The following CFAP91 variants were observed in gnomAD, a reference collection of about 807,000 sequenced individuals.
CFAP91 encodes cilia and flagella associated protein 91, also known as cilia- and flagella-associated protein 91.
In CFAP91, 85 loss-of-function variants were observed where a neutral mutation model predicts 95.9. The ratio of observed to expected loss-of-function variants is 0.89; its 90% CI spans 0.74 to 1.06. CFAP91 has a LOEUF of 1.06. Among genes scored for constraint, CFAP91 ranks in the 50% least tolerant of loss-of-function variants. The pLI is 0.00. For missense variants in CFAP91, 962 were observed against 943.4 expected (o/e 1.02, Z -0.26); for synonymous variants, 335 against 327.5 (o/e 1.02, Z -0.25).
chr3:119,738,330 G>GTTTTTTTTTT (rs1559761130), intron 11 of CFAP91, among the ~76,000 whole-genome samples: 14 of 23,704 alleles, frequency 5.9e-4, no homozygotes, highest in Non-Finnish European at 1.3e-3. Context: ...TTGACATATT[G>GTTTTTTTTTT]TCTTTTTTTT....
intron 11 of CFAP91, 41 bp downstream of exon 11, chr3:119,737,523 T>C (rs1333109279): frequency 5.9e-6 from 7 of 1,180,280 alleles, no homozygotes; most frequent in Non-Finnish European, 8.8e-6. Flanking sequence ...AAATTCAATA[T>C]CATTGTCAGC....
chr3:119,760,495 TAGAG>T (rs1205648403), intron 17 of CFAP91, among the ~76,000 whole-genome samples: 3 of 151,578 alleles, frequency 2.0e-5, no homozygotes, highest in Admixed American at 1.3e-4. Context: ...AAAAAATCAA[TAGAG>T]AAACATCAGA....
intron 5 of CFAP91, among the ~76,000 whole-genome samples, chr3:119,715,002 T>C (rs190820544): frequency 6.6e-6 from 1 of 152,314 alleles, no homozygotes; most frequent in East Asian, 1.9e-4. Flanking sequence ...AAGCTAACTT[T>C]CCCACATGTT....
chr3:119,750,893 G>A (rs540986277), intron 16 of CFAP91, 44 bp from the exon 17 acceptor site: 10 of 1,609,792 alleles, frequency 6.2e-6, no homozygotes, highest in South Asian at 1.1e-5. Flanking sequence ...GAATGGTTTT[G>A]TTCAGACTTT....
rs1424814767 is a variant in CFAP91 at position 119,753,820 on chromosome 3, T to TAGTGGGACAG, written c.*1+2722_*1+2723insAGTGGGACAG. Among the ~76,000 whole-genome samples, 30 of 152,350 alleles carry TAGTGGGACAG rather than the reference T, an allele frequency of 2.0e-4. No individual in the cohort carries two copies. The East Asian group carries it at 2.3e-3, about 12-fold the overall frequency. The stretch of plus-strand genomic sequence containing the variant: ...TTTATCCCTCATCCCCTTCCCACTC[T>TAGTGGGACAG]TCCCCCCAAGTCCGCACAGTCCATT... On this transcript the variant is annotated intron_variant, in intron 17 of 17. Coordinates refer to ENST00000273390, the MANE Select transcript of CFAP91 (RefSeq NM_033364.4).
chr3:119,744,164 C>T lies in CFAP91; in HGVS notation c.1870C>T (p.Arg624Cys), dbSNP rs200730852. 6.2e-5 allele frequency: 100 copies of T among 1,613,070 alleles called. No homozygotes were observed. Among genetic ancestry groups the T allele is most frequent in the Non-Finnish European group, 7.8e-5 (92 of 1,179,494 alleles). ...ESGRRQVEKQ[R>C]LREEDEIFKE... The stretch of plus-strand genomic sequence containing the variant: ...TGGTCGGCGCCAGGTGGAAAAACAG[C>T]GCCTGCGGGAGGAGGACGAGATATT... Residue 624 changes from arginine to cysteine, a missense_variant, in exon 14 of 18, where the codon CGC (arginine) becomes TGC (cysteine). Arg to Cys is a radical substitution (Grantham distance 180, BLOSUM62 -3). Coordinates refer to ENST00000273390, the MANE Select transcript of CFAP91 (RefSeq NM_033364.4).
At chr3:119,761,783 A>G (rs2054542355) in intron 17 of CFAP91, among the ~76,000 whole-genome samples, 1 of 151,956 alleles carries the variant, frequency 6.6e-6, no homozygotes, top group African/African-American at 2.4e-5. Flanking sequence ...GACAAATTCA[A>G]TATTCTTTCA....
Position 119,744,171 on chromosome 3 carries a change from G to C in CFAP91, c.1877G>C (p.Arg626Pro), listed in dbSNP as rs763731259. Residue 626 changes from arginine (R) to proline (P), a missense_variant, in exon 14 of 18, where the codon CGG becomes CCG. By Grantham distance (103) the Arg-to-Pro change is moderately radical. Coordinates refer to ENST00000273390, the MANE Select transcript of CFAP91 (RefSeq NM_033364.4). ...CGCCAGGTGGAAAAACAGCGCCTGC[G>C]GGAGGAGGACGAGATATTTAAGGAG... ...GRRQVEKQRL[R>P]EEDEIFKEVV... The C allele has an allele frequency of 6.2e-7, 1 of 1,613,242 alleles. No homozygotes were observed. Among genetic ancestry groups the C allele is most frequent in the Non-Finnish European group, 8.5e-7 (1 of 1,179,552 alleles).
intron 1 of CFAP91, 92 bp downstream of exon 1, chr3:119,703,314 C>T (rs1333083049): frequency 1.3e-6 from 2 of 1,547,738 alleles, no homozygotes; most frequent in Non-Finnish European, 8.7e-7. Context: ...GCATGGCGAA[C>T]GAAACACGAC....
chr3:119,725,480 CA>C (rs2053764900), intron 6 of CFAP91, among the ~76,000 whole-genome samples: 1 of 152,102 alleles, frequency 6.6e-6, no homozygotes, highest in Admixed American at 6.5e-5. Flanking sequence ...AGTATGTGGC[CA>C]AGTGGCTCAC....
rs779599222 is a variant in CFAP91, at chr3:119,751,051, C to T, written c.2258C>T (p.Ala753Val). ...GGAGAGCAAGATGAGGCCTCAAATG[C>T]TGCCATGTTACTTGAGAAAGAAACT... is the stretch of plus-strand genomic sequence containing the variant. ...TEGEQDEASN[A>V]AMLLEKETQN... Residue 753 changes from alanine to valine, a missense_variant, in exon 17 of 18, where the codon GCT (alanine) becomes GTT (valine). Coordinates refer to ENST00000273390, the MANE Select transcript of CFAP91 (RefSeq NM_033364.4). 8.1e-6 allele frequency: 13 copies of T among 1,612,768 alleles called. No individual in the cohort carries two copies. The highest frequency in any genetic ancestry group is 2.7e-5 in the African/African-American group (2 of 74,808).
intron 7 of CFAP91, among the ~76,000 whole-genome samples, chr3:119,728,664 C>T (rs1250696750): frequency 6.6e-6 from 1 of 152,184 alleles, no homozygotes; most frequent in Non-Finnish European, 1.5e-5. Context: ...AGTGCATTCA[C>T]TCTGAGAAAC....
intron 17 of CFAP91, among the ~76,000 whole-genome samples, chr3:119,757,871 C>G (rs1314796732): frequency 1.3e-5 from 2 of 152,054 alleles, no homozygotes; most frequent in Non-Finnish European, 2.9e-5. Flanking sequence ...CAAATTTTCC[C>G]ATATAATGTT....
In CFAP91 at chr3:119,747,133, A is replaced by G. The variant is rs750440567; in HGVS notation, c.1921A>G (p.Ser641Gly). 10 of 1,605,942 alleles carry G rather than the reference A, an allele frequency of 6.2e-6. No homozygotes were observed. The highest frequency in any genetic ancestry group is 8.5e-6 in the Non-Finnish European group (10 of 1,176,756). Reference sequence around the variant, plus strand: ...TTTGCAGGTGGTTAAAGTTCACCATAGTACTATAAGCTCCTACCTAGAAGA... The same window carrying G: ...TTTGCAGGTGGTTAAAGTTCACCATGGTACTATAAGCTCCTACCTAGAAGA... ...IFKEVVKVHH[S>G]TISSYLEDII... is the part of the protein sequence containing the mutation. The change falls in exon 15 of 18, where the codon AGT becomes GGT. Residue 641 changes from serine to glycine, a missense_variant. Coordinates refer to ENST00000273390, the MANE Select transcript of CFAP91 (RefSeq NM_033364.4).
At chr3:119,738,332 C>CTTTTTTTTTTTTTTGTTTTTT (rs2054050116) in intron 11 of CFAP91, among the ~76,000 whole-genome samples, 1 of 23,040 alleles carries the variant, frequency 4.3e-5, no homozygotes. Context: ...GACATATTGT[C>CTTTTTTTTTTTTTTGTTTTTT]TTTTTTTTTT....
At chr3:119,721,621 A>T (rs56246716) in intron 6 of CFAP91, among the ~76,000 whole-genome samples, 2,089 of 152,246 alleles carry the variant, frequency 0.014, 40 homozygotes, top group African/African-American at 0.048. Context: ...ATGGATACTA[A>T]ACATCCTGTA....
chr3:119,731,265 T>C (rs563206726), intron 8 of CFAP91, among the ~76,000 whole-genome samples: 89 of 152,308 alleles, frequency 5.8e-4, no homozygotes, highest in African/African-American at 2.0e-3. Context: ...CAATTACATG[T>C]GCAGACTATT....
Position 119,703,097 on chromosome 3 carries a change from C to G in CFAP91, c.-2C>G, listed in dbSNP as rs765012824. The G allele has an allele frequency of 1.3e-6, 2 of 1,553,740 alleles. No individual in the cohort carries two copies. The highest frequency in any genetic ancestry group is 3.9e-5 in the Admixed American group (2 of 51,304). On this transcript the variant is annotated 5_prime_UTR_variant, in exon 1 of 18. Coordinates refer to ENST00000273390, the MANE Select transcript of CFAP91 (RefSeq NM_033364.4). ...TGCTGGCGGGAGGAAAGAGGCGGCA[C>G]CATGAGCCACGCAGTAACCATCGAG...
At chr3:119,748,671 A>C (rs1340604033) in intron 16 of CFAP91, among the ~76,000 whole-genome samples, 3 of 152,220 alleles carry the variant, frequency 2.0e-5, no homozygotes, top group Admixed American at 1.3e-4. Context: ...GAAATGGTGG[A>C]GTTCTAACAC....
Sources: allele counts gnomAD v4.1 joint callset (sites outside exome capture counted in the v4.1 genomes callset), GRCh38; gene constraint gnomAD v4.1.1; transcripts MANE v1.5; gene names NCBI Gene and HGNC (gene_info 2026-07-23, HGNC 2026-07-21).